GPR35: variants seen among roughly 807,000 people sequenced by gnomAD.
GPR35 encodes G protein-coupled receptor 35, also known as KYNA receptor.
For missense variants in GPR35, 372 were observed against 422.5 expected, an observed-to-expected ratio of 0.88 and a Z score of 1.05; for synonymous variants, 207 against 198.4, an observed-to-expected ratio of 1.04 and a Z score of -0.36.
chr2:240,618,207 C>T (rs558906734), intron 4 of GPR35, among the ~76,000 whole-genome samples: 1 of 152,012 alleles, frequency 6.6e-6, no homozygotes, highest in Admixed American at 6.6e-5. Context: ...CAAACAATAC[C>T]CAACATAGTT....
Position 240,630,595 on chromosome 2 carries a change from G to A in GPR35, c.643G>A (p.Ala215Thr). 1 of 1,612,848 alleles carries A rather than the reference G, an allele frequency of 6.2e-7. No homozygotes were observed. Among genetic ancestry groups the A allele is most frequent in the South Asian group, 1.1e-5 (1 of 91,078 alleles). ...DVGQAEATRK[A>T]ARMVWANLLV... ...GGGGCAGGCAGAGGCCACCCGCAAGGCTGCCCGCATGGTCTGGGCCAACCT... is the reference window on the plus strand; with the variant it reads ...GGGGCAGGCAGAGGCCACCCGCAAGACTGCCCGCATGGTCTGGGCCAACCT... The change falls in exon 2 of 2, where the codon GCT becomes ACT. Residue 215 changes from alanine (A) to threonine (T), a missense_variant. By Grantham distance (58) the Ala-to-Thr change is moderately conservative. Coordinates refer to ENST00000407714, the MANE Select transcript of GPR35 (RefSeq NM_005301.5).
intron 2 of GPR35, among the ~76,000 whole-genome samples, chr2:240,612,109 C>CT (rs1378083403): frequency 3.9e-5 from 6 of 152,120 alleles, no homozygotes; most frequent in African/African-American, 1.4e-4. Flanking sequence ...TGTTCCTTCA[C>CT]TTTCACGGTG....
chr2:240,630,915 C>T lies in GPR35; in HGVS notation c.*33C>T, dbSNP rs772719757. ...GCTGTGGGCGCTGTGGGCCAGGTCT[C>T]GGGGGCTCCGGGAGGTGCTGCCTGC... On this transcript the variant is annotated 3_prime_UTR_variant, in exon 2 of 2. Coordinates refer to ENST00000407714, the MANE Select transcript of GPR35 (RefSeq NM_005301.5). The T allele has an allele frequency of 2.6e-5, 40 of 1,562,426 alleles. No homozygotes were observed. The highest frequency in any genetic ancestry group is 8.2e-5 in the African/African-American group (6 of 73,196).
chr2:240,629,970 C>G lies in GPR35; in HGVS notation c.18C>G (p.Asn6Lys). 1 of 1,605,602 alleles carries G rather than the reference C, an allele frequency of 6.2e-7. No homozygotes were observed. The highest frequency in any genetic ancestry group is 8.5e-7 in the Non-Finnish European group (1 of 1,173,988). ...CCAGGACCATGAATGGCACCTACAA[C>G]ACCTGTGGCTCCAGCGACCTCACCT... Reference protein sequence around the residue: MNGTYNTCGSSDLTWP... With the variant: MNGTYKTCGSSDLTWP... Residue 6 changes from asparagine (N) to lysine (K), a missense_variant, in exon 2 of 2, where the codon AAC (asparagine) becomes AAG (lysine). Coordinates refer to ENST00000407714, the MANE Select transcript of GPR35 (RefSeq NM_005301.5).
intron 1 of GPR35, among the ~76,000 whole-genome samples, chr2:240,606,112 A>G (rs2043132622): frequency 6.6e-6 from 1 of 152,178 alleles, no homozygotes; most frequent in Non-Finnish European, 1.5e-5. Flanking sequence ...AGGTATAGCC[A>G]GTGTCCACAT....
intron 1 of GPR35, among the ~76,000 whole-genome samples, chr2:240,625,934 T>A (rs375415914): frequency 1.4e-5 from 1 of 70,428 alleles, no homozygotes. Flanking sequence ...CAGAGTGGGG[T>A]GAGGCTGTGA....
upstream of GPR35, among the ~76,000 whole-genome samples, chr2:240,623,755 C>T (rs533160738): frequency 3.9e-5 from 6 of 152,182 alleles, no homozygotes; most frequent in Admixed American, 3.3e-4. Flanking sequence ...AACCTGGTGG[C>T]AAGGGGCCCT....
At chr2:240,615,646 C>T (rs1479307758) in intron 2 of GPR35, among the ~76,000 whole-genome samples, 2 of 152,234 alleles carry the variant, frequency 1.3e-5, no homozygotes, top group Admixed American at 6.5e-5. Context: ...GACATCATAT[C>T]CTTCTATCTA....
chr2:240,623,018 G>A (rs556790133), upstream of GPR35, among the ~76,000 whole-genome samples: 5 of 151,888 alleles, frequency 3.3e-5, no homozygotes, highest in South Asian at 2.1e-4. Context: ...GGGTGTCCTC[G>A]AAGAAGGGCC....
At position 240,632,053 on chromosome 2, in the gene GPR35, C is replaced by T. The variant is rs2043454363; in HGVS notation, c.*1171C>T. Among the ~76,000 whole-genome samples, 1 of 152,228 alleles carries T rather than the reference C, an allele frequency of 6.6e-6. No individual in the cohort carries two copies. The highest frequency in any genetic ancestry group is 1.5e-5 in the Non-Finnish European group (1 of 68,040). The stretch of plus-strand genomic sequence containing the variant: ...GGTGCATGCCCAGGTGGGCCCATGC[C>T]CAGGAAGGTCCATGCCCAGGATGGT... On this transcript the variant is annotated 3_prime_UTR_variant, in exon 2 of 2. Transcript: ENST00000407714.
chr2:240,622,003 G>C (rs2953150), upstream of GPR35, among the ~76,000 whole-genome samples: 2 of 151,916 alleles, frequency 1.3e-5, no homozygotes, highest in Admixed American at 6.6e-5. Context: ...CTCCTGAGTA[G>C]CTGGGATTAC....
At chr2:240,607,862 CTCTTCTT>C (rs771966041) in intron 2 of GPR35, among the ~76,000 whole-genome samples, 1 of 151,068 alleles carries the variant, frequency 6.6e-6, no homozygotes, top group African/African-American at 2.4e-5. Context: ...CCTCCTCCTC[CTCTTCTT>C]TCTTCTTTCT....
intron 2 of GPR35, among the ~76,000 whole-genome samples, chr2:240,609,582 C>T (rs1213281321): frequency 6.6e-6 from 1 of 152,190 alleles, no homozygotes; most frequent in African/African-American, 2.4e-5. Context: ...AGAACATATT[C>T]TGTATAACTT....
chr2:240,623,281 G>C (rs1411066114), upstream of GPR35, among the ~76,000 whole-genome samples: 1 of 152,158 alleles, frequency 6.6e-6, no homozygotes, highest in Non-Finnish European at 1.5e-5. Flanking sequence ...AATCAAACAG[G>C]GTGAAGGGCT....
At chr2:240,618,070 C>CT (rs1197274866) in intron 4 of GPR35, among the ~76,000 whole-genome samples, 1,616 of 148,006 alleles carry the variant, frequency 0.011, 16 homozygotes, top group African/African-American at 0.033. Context: ...AGAACTAAGG[C>CT]TTTTTTTTTT....
upstream of GPR35, chr2:240,625,103 G>A (rs189573353): frequency 1.5e-4 from 31 of 208,674 alleles, no homozygotes; most frequent in East Asian, 4.1e-3. Context: ...TGGGGAGGGC[G>A]AGCTGACCGC....
At chr2:240,613,579 A>C (rs2043207113) in intron 2 of GPR35, among the ~76,000 whole-genome samples, 1 of 151,986 alleles carries the variant, frequency 6.6e-6, no homozygotes, top group Non-Finnish European at 1.5e-5. Flanking sequence ...AATGCTAACC[A>C]TAACCCTAAA....
upstream of GPR35, chr2:240,625,417 C>A: frequency 1.0e-6 from 1 of 985,476 alleles, no homozygotes; most frequent in South Asian, 4.7e-5. Context: ...AGCCGCCCGC[C>A]CCCCCACCTT....
chr2:240,630,409 C>T lies in GPR35; in HGVS notation c.457C>T (p.Leu153Phe), dbSNP rs1342090635. The change falls in exon 2 of 2, where the codon CTC (leucine) becomes TTC (phenylalanine). Residue 153 changes from leucine to phenylalanine, a missense_variant. Physicochemically the swap from Leu to Phe is conservative, Grantham distance 22. Transcript: ENST00000407714. ...CATCGGCTCCCTGGTGGCTCGCTGG[C>T]TCCTGGGGATTCAGGAGGGCGGCTT... Reference protein sequence around the residue: ...LVIGSLVARWLLGIQEGGFCF... With the variant: ...LVIGSLVARWFLGIQEGGFCF... 1.9e-6 allele frequency: 3 copies of T among 1,612,338 alleles called. No homozygotes were observed. The highest frequency in any genetic ancestry group is 3.3e-5 in the Admixed American group (2 of 60,032).
Sources: allele counts gnomAD v4.1 joint callset (sites outside exome capture counted in the v4.1 genomes callset), GRCh38; gene constraint gnomAD v4.1.1; transcripts MANE v1.5; gene names NCBI Gene and HGNC (gene_info 2026-07-23, HGNC 2026-07-21).